The following PCDH11X variants were observed in gnomAD, a reference collection of about 807,000 sequenced individuals.
The protein encoded by PCDH11X is protocadherin 11 X-linked.
In PCDH11X, 18 loss-of-function variants were observed where a neutral mutation model predicts 53.3. That is an observed-to-expected ratio of 0.34 (90% confidence interval 0.23 to 0.50). PCDH11X has a LOEUF of 0.50. Among genes scored for constraint, PCDH11X ranks in the 20% least tolerant of loss-of-function variants. The pLI is 0.98. For synonymous variants in PCDH11X, 279 were observed against 393.3 expected (o/e 0.71, Z 3.44); for missense variants, 570 against 1,032.4 (o/e 0.55, Z 6.14).
At chrX:92,188,491 C>G (rs2066137726) in intron 6 of PCDH11X, among the ~76,000 whole-genome samples, 1 of 111,145 alleles carries the variant, frequency 9.0e-6, no homozygotes, top group African/African-American at 3.3e-5. Flanking sequence ...AAATGGGGTA[C>G]TATAATGAAG....
At chrX:91,789,083 TC>T (rs1231596063) in intron 1 of PCDH11X, among the ~76,000 whole-genome samples, 1 of 103,777 alleles carries the variant, frequency 9.6e-6, no homozygotes, top group Non-Finnish European at 1.9e-5. Context: ...GCGCCTGTAC[TC>T]CCAGCTACTC....
intron 10 of PCDH11X, among the ~76,000 whole-genome samples, chrX:92,489,816 T>C (rs898091245): frequency 1.8e-4 from 19 of 105,033 alleles, no homozygotes; most frequent in Admixed American, 1.8e-3. Context: ...CACATATATA[T>C]ATATATCCAT....
At chrX:92,276,042 A>G (rs2068082121) in intron 8 of PCDH11X, among the ~76,000 whole-genome samples, 1 of 110,287 alleles carries the variant, frequency 9.1e-6, no homozygotes, top group South Asian at 3.9e-4. Flanking sequence ...TCTCAGCCTA[A>G]TAAGGGAACT....
Position 92,252,200 on chromosome X carries a change from G to A in PCDH11X, c.3115-10914G>A, listed in dbSNP as rs192440702. The stretch of plus-strand genomic sequence containing the variant: ...CTACCAAAACAAAGTAAAGTGGGTC[G>A]TGGTAGTTATATTTATTTAAAAGAA... On this transcript the variant is annotated intron_variant, in intron 7 of 10. Transcript: ENST00000682573. Among the ~76,000 whole-genome samples the A allele has an allele frequency of 2.2e-4, 24 of 111,059 alleles. No homozygotes were observed. In the East Asian group the frequency reaches 3.7e-3, roughly 17 times the overall value.
At chrX:92,449,041 A>G (rs1033221273) in intron 9 of PCDH11X, among the ~76,000 whole-genome samples, 1 of 111,892 alleles carries the variant, frequency 8.9e-6, no homozygotes, top group Non-Finnish European at 1.9e-5. Context: ...ATAATGTAAT[A>G]TGTCATTACT....
At chrX:92,086,441 G>A (rs975974299) in intron 6 of PCDH11X, among the ~76,000 whole-genome samples, 1 of 110,735 alleles carries the variant, frequency 9.0e-6, no homozygotes, top group South Asian at 3.8e-4. Context: ...TTCTCCTCAC[G>A]TCTTTGAAGT....
At chrX:92,113,737 G>T in intron 6 of PCDH11X, 1 of 1,201,338 alleles carries the variant, frequency 8.3e-7, no homozygotes, top group Non-Finnish European at 1.1e-6. Flanking sequence ...ACCCTCCAGG[G>T]TCAACTCTTC....
At chrX:92,414,004 G>T (rs2148606243) in intron 9 of PCDH11X, among the ~76,000 whole-genome samples, 1 of 107,340 alleles carries the variant, frequency 9.3e-6, no homozygotes, top group East Asian at 3.0e-4. Context: ...CCCATAGCTG[G>T]CAGTCTATTA....
At chrX:92,153,675 T>G (rs1246789399) in intron 6 of PCDH11X, among the ~76,000 whole-genome samples, 1 of 111,658 alleles carries the variant, frequency 9.0e-6, no homozygotes, top group Non-Finnish European at 1.9e-5. Flanking sequence ...ATCTGGTAGG[T>G]GAAGAAGAAG....
At chrX:92,437,820 C>T (rs2072420535) in intron 9 of PCDH11X, among the ~76,000 whole-genome samples, 2 of 109,067 alleles carry the variant, frequency 1.8e-5, no homozygotes, top group South Asian at 7.9e-4. Flanking sequence ...GGAAAAGGAC[C>T]CTGCTTTAAG....
At chrX:91,886,890 G>C (rs1308079942) in intron 6 of PCDH11X, among the ~76,000 whole-genome samples, 28 of 103,846 alleles carry the variant, frequency 2.7e-4, no homozygotes, top group Non-Finnish European at 3.9e-4. Context: ...AGAATGGCAT[G>C]AACCCGGGAG....
At chrX:92,369,208 C>G (rs1364218978) in intron 8 of PCDH11X, among the ~76,000 whole-genome samples, 2 of 108,412 alleles carry the variant, frequency 1.8e-5, no homozygotes, top group Non-Finnish European at 3.8e-5. Context: ...TTCAGAGATG[C>G]CCTGCCCAGT....
chrX:92,108,974 C>T (rs907784372), intron 6 of PCDH11X, among the ~76,000 whole-genome samples: 11 of 111,923 alleles, frequency 9.8e-5, no homozygotes, highest in African/African-American at 3.6e-4. Context: ...ACCAGGGGGA[C>T]TGCAATGGAG....
chrX:92,515,940 G>T (rs1235763887), intron 10 of PCDH11X, among the ~76,000 whole-genome samples: 1 of 111,614 alleles, frequency 9.0e-6, no homozygotes, highest in Non-Finnish European at 1.9e-5. Flanking sequence ...AAAAGAAATT[G>T]TTCTCTTGCA....
At chrX:92,395,687 A>G (rs1329404902) in intron 9 of PCDH11X, among the ~76,000 whole-genome samples, 1 of 111,286 alleles carries the variant, frequency 9.0e-6, no homozygotes, top group Non-Finnish European at 1.9e-5. Context: ...TATTTAGTCC[A>G]GCTCCCTCAT....
intron 7 of PCDH11X, among the ~76,000 whole-genome samples, chrX:92,220,425 G>A (rs10855781): frequency 0.37 from 37,261 of 101,153 alleles, 6,894 homozygotes; most frequent in Non-Finnish European, 0.53. Flanking sequence ...AGACATTTAT[G>A]CAGCCAAAAA....
At chrX:92,461,658 A>T (rs5984187) in intron 9 of PCDH11X, among the ~76,000 whole-genome samples, 2,239 of 111,628 alleles carry the variant, frequency 0.02, 34 homozygotes, top group Middle Eastern at 0.06. Context: ...GCAAAGACTT[A>T]TTGACCAATG....
chrX:92,514,385 GTTATAA>G (rs2074218355), intron 10 of PCDH11X, among the ~76,000 whole-genome samples: 1 of 105,741 alleles, frequency 9.5e-6, no homozygotes. Context: ...ATCGGTTTTG[GTTATAA>G]TTATTTTAGG....
chrX:92,455,772 A>G (rs375468672), intron 9 of PCDH11X, among the ~76,000 whole-genome samples: 2,054 of 78,163 alleles, frequency 0.026, 54 homozygotes, highest in African/African-American at 0.077. Flanking sequence ...ATATAATTTC[A>G]AAATCTTACT....
Sources: allele counts gnomAD v4.1 joint callset (sites outside exome capture counted in the v4.1 genomes callset), GRCh38; gene constraint gnomAD v4.1.1; transcripts MANE v1.5; gene names NCBI Gene and HGNC (gene_info 2026-07-23, HGNC 2026-07-21).